The following DCAF1 variants were observed in gnomAD, a reference collection of about 807,000 sequenced individuals.
DCAF1 encodes the protein DDB1 and CUL4 associated factor 1.
In DCAF1, 15 loss-of-function variants were observed where a neutral mutation model predicts 128.0. The ratio of observed to expected loss-of-function variants is 0.12; its 90% CI spans 0.08 to 0.18. The LOEUF (loss-of-function observed/expected upper bound fraction) is 0.18. Among genes scored for constraint, DCAF1 ranks in the 10% least tolerant of loss-of-function variants. DCAF1 has a pLI of 1.00. For synonymous variants in DCAF1, 610 were observed against 603.0 expected, an observed-to-expected ratio of 1.01 and a Z score of -0.17; for missense variants, 988 against 1,649.5, an observed-to-expected ratio of 0.60 and a Z score of 6.95.
intron 6 of DCAF1, among the ~76,000 whole-genome samples, chr3:51,452,239 G>A (rs1702430766): frequency 6.6e-6 from 1 of 151,776 alleles, no homozygotes; most frequent in South Asian, 2.1e-4. Context: ...TTGTAAATGA[G>A]GTCTCCTTAG....
intron 13 of DCAF1, among the ~76,000 whole-genome samples, chr3:51,423,934 C>T (rs1553633348): frequency 6.6e-6 from 1 of 151,776 alleles, no homozygotes; most frequent in Non-Finnish European, 1.5e-5. Context: ...ACAAGAGCAC[C>T]ATATGTGTTA....
intron 18 of DCAF1, 56 bp from the exon 19 acceptor site, chr3:51,414,913 A>G (rs1698742514): frequency 1.3e-6 from 2 of 1,559,234 alleles, no homozygotes; most frequent in Admixed American, 2.0e-5. Context: ...CCACTGACAA[A>G]TTAAAGAGAA....
chr3:51,466,640 A>C (rs767455519), intron 5 of DCAF1, among the ~76,000 whole-genome samples, 163 bp downstream of exon 5: 1 of 152,190 alleles, frequency 6.6e-6, no homozygotes, highest in Non-Finnish European at 1.5e-5. Flanking sequence ...ATCAAAGTAC[A>C]TACCAAAGAG....
intron 6 of DCAF1, among the ~76,000 whole-genome samples, chr3:51,447,278 C>T (rs983408595): frequency 2.0e-5 from 3 of 151,708 alleles, no homozygotes; most frequent in African/African-American, 7.3e-5. Context: ...GGTACAGAGG[C>T]GCGTGCTTGT....
chr3:51,403,016 C>T, intron 24 of DCAF1, 127 bp downstream of exon 24: 4 of 1,431,546 alleles, frequency 2.8e-6, no homozygotes, highest in Non-Finnish European at 3.7e-6. Context: ...CTCAAGAGAC[C>T]AGAGTAGTGA....
chr3:51,398,944 C>A, intron 24 of DCAF1, 117 bp from the exon 25 acceptor site: 1 of 1,312,492 alleles, frequency 7.6e-7, no homozygotes, highest in South Asian at 1.3e-5. Context: ...TACCAGTTTC[C>A]AGAAAGAAGA....
chr3:51,467,175 T>A (rs1553646787), intron 4 of DCAF1, among the ~76,000 whole-genome samples: 2 of 151,742 alleles, frequency 1.3e-5, no homozygotes, highest in African/African-American at 4.8e-5. Flanking sequence ...CTACTAAAAA[T>A]ACAAAAATTA....
chr3:51,469,877 C>T (rs782579812), intron 4 of DCAF1, among the ~76,000 whole-genome samples: 1 of 151,950 alleles, frequency 6.6e-6, no homozygotes, highest in African/African-American at 2.4e-5. Flanking sequence ...AAAACTTAGC[C>T]GACTGTGGTG....
intron 5 of DCAF1, among the ~76,000 whole-genome samples, chr3:51,464,198 C>G (rs1231214678): frequency 1.3e-5 from 2 of 151,896 alleles, no homozygotes; most frequent in Non-Finnish European, 2.9e-5. Context: ...ATAAGCAGGG[C>G]AATATGAGCT....
intron 3 of DCAF1, among the ~76,000 whole-genome samples, chr3:51,473,371 GT>G (rs1705001323): frequency 6.9e-6 from 1 of 145,336 alleles, no homozygotes; most frequent in African/African-American, 2.6e-5. Context: ...AACATGCTCT[GT>G]CCTAAATCAA....
chr3:51,487,768 T>G (rs1404219099), intron 2 of DCAF1, among the ~76,000 whole-genome samples: 1 of 152,050 alleles, frequency 6.6e-6, no homozygotes, highest in Non-Finnish European at 1.5e-5. Context: ...CGTGAACTCC[T>G]GGGCTCAAGC....
intron 2 of DCAF1, among the ~76,000 whole-genome samples, chr3:51,484,949 CT>C (rs1706753058): frequency 7.1e-6 from 1 of 140,278 alleles, no homozygotes; most frequent in Non-Finnish European, 1.5e-5. Context: ...GAGTTTCACT[CT>C]TACTGCCCAG....
At chr3:51,422,511 CAGAT>C (rs1199144309) in intron 13 of DCAF1, 80 bp from the exon 14 acceptor site, 26 of 702,396 alleles carry the variant, frequency 3.7e-5, no homozygotes, top group Non-Finnish European at 6.4e-5. Context: ...GACACACAGA[CAGAT>C]AGACACATAC....
rs1698724593 is a variant in DCAF1, at chr3:51,414,693, G to A, written c.3768C>T (p.Asp1256=). Residue 1256 remains aspartate (D), a synonymous_variant, in exon 19 of 25, where the codon GAC becomes GAT. Transcript: ENST00000684031. ...VRSAQAIHKF[D]KFNMNISGVF... is the part of the protein sequence containing the mutation. ...CACCACTGATGTTCATATTGAACTT[G>A]TCAAACTTGTGGATGGCCTGTGCAG... is the stretch of plus-strand genomic sequence containing the variant. 2 of 1,614,044 alleles carry A rather than the reference G, an allele frequency of 1.2e-6. No homozygotes were observed. The highest frequency in any genetic ancestry group is 2.2e-5 in the South Asian group (2 of 91,088).
chr3:51,501,960 G>A (rs1708828813), upstream of DCAF1, among the ~76,000 whole-genome samples: 1 of 152,124 alleles, frequency 6.6e-6, no homozygotes, highest in African/African-American at 2.4e-5. Flanking sequence ...TGAGAAATCT[G>A]GACCCAGAGA....
chr3:51,463,303 A>G (rs1703803820), intron 5 of DCAF1, 76 bp from the exon 6 acceptor site: 1 of 797,774 alleles, frequency 1.3e-6, no homozygotes, highest in Middle Eastern at 2.4e-4. Context: ...TAAAACCTCA[A>G]CATATTCCCA....
chr3:51,499,461 C>T (rs562256165), intron 1 of DCAF1, among the ~76,000 whole-genome samples: 9 of 152,302 alleles, frequency 5.9e-5, no homozygotes, highest in East Asian at 1.9e-4. Context: ...CGGGAAGGGG[C>T]CCGCCGTATA....
intron 9 of DCAF1, among the ~76,000 whole-genome samples, chr3:51,438,415 T>C (rs1277823306): frequency 6.6e-6 from 1 of 152,142 alleles, no homozygotes; most frequent in Non-Finnish European, 1.5e-5. Context: ...AAAACTAAAA[T>C]AAGAAAATTA....
intron 4 of DCAF1, among the ~76,000 whole-genome samples, chr3:51,469,704 G>A (rs1553647828): frequency 3.3e-5 from 5 of 152,046 alleles, no homozygotes; most frequent in Non-Finnish European, 7.4e-5. Flanking sequence ...CCATACCAAA[G>A]CAGGTGCTAT....
Sources: allele counts gnomAD v4.1 joint callset (sites outside exome capture counted in the v4.1 genomes callset), GRCh38; gene constraint gnomAD v4.1.1; transcripts MANE v1.5; gene names NCBI Gene and HGNC (gene_info 2026-07-23, HGNC 2026-07-21).